Variants in AOPEP observed in about 807,000 individuals in gnomAD.
AOPEP encodes aminopeptidase O (putative).
AOPEP carries 77 observed loss-of-function variants against 98.1 expected under a neutral mutation model. The ratio of observed to expected loss-of-function variants is 0.78; its 90% CI spans 0.65 to 0.95. AOPEP has a LOEUF of 0.95. Among genes scored for constraint, AOPEP ranks in the 40% least tolerant of loss-of-function variants. AOPEP has a pLI of 0.00. For missense variants in AOPEP, 1,024 were observed against 1,024.7 expected (o/e 1.00, Z 0.01); for synonymous variants, 346 against 365.3 (o/e 0.95, Z 0.60).
At chr9:94,816,156 A>G (rs7855781) in intron 5 of AOPEP, among the ~76,000 whole-genome samples, 144,262 of 152,256 alleles carry the variant, frequency 0.95, 68,368 homozygotes, top group Middle Eastern at 0.99. Context: ...CACTAACCAA[A>G]TTGCCATACA....
At chr9:95,096,627 C>T in the AOPEP span, among the ~76,000 whole-genome samples, 2 of 152,066 alleles carry the variant, frequency 1.3e-5, no homozygotes, top group African/African-American at 2.4e-5. Context: ...AGGTGGAGTC[C>T]AAGGGCGCCC....
chr9:95,060,828 C>CG lies in AOPEP; in HGVS notation c.2232+20dup. The CG allele has an allele frequency of 2.7e-6, 4 of 1,499,994 alleles. No homozygotes were observed. The highest frequency in any genetic ancestry group is 3.7e-6 in the Non-Finnish European group (4 of 1,075,984). 92.9% of individuals were successfully genotyped at this position (1,499,994 alleles called of 1,614,324 possible). ...ATGCAGAGGTAACCAGGAACACTCT[C>CG]GGAGTTTAACCAGCAGGTCCCCACT... On this transcript the variant is annotated intron_variant, in intron 14 of 16. Transcript: ENST00000375315.
chr9:94,944,604 C>A lies in AOPEP; in HGVS notation c.1662-10573C>A, dbSNP rs190441465. On this transcript the variant is annotated intron_variant, in intron 7 of 16. Transcript: ENST00000375315. ...TTTTGAGACAGGGTCTTACTCTGTC[C>A]CCGAGGCTGGAGTGCCATGGCACGA... 3.3e-5 allele frequency among the ~76,000 whole-genome samples: 5 copies of A among 152,020 alleles called. No homozygotes were observed. In the East Asian group the frequency reaches 7.8e-4, roughly 24 times the overall value.
intron 13 of AOPEP, among the ~76,000 whole-genome samples, chr9:95,051,231 A>G (rs1297471599): frequency 6.6e-6 from 1 of 151,608 alleles, no homozygotes; most frequent in African/African-American, 2.4e-5. Context: ...CTGGGACTAC[A>G]GGTGCGCGCC....
chr9:94,785,925 A>T (rs1238596852), intron 3 of AOPEP, among the ~76,000 whole-genome samples: 2 of 152,236 alleles, frequency 1.3e-5, no homozygotes, highest in Non-Finnish European at 2.9e-5. Context: ...TTAGGCTGTC[A>T]TTCTCCTTTA....
At chr9:94,846,791 T>C (rs2042914619) in intron 5 of AOPEP, among the ~76,000 whole-genome samples, 1 of 152,160 alleles carries the variant, frequency 6.6e-6, no homozygotes, top group African/African-American at 2.4e-5. Context: ...GTACATGTGT[T>C]CTCAGCTACT....
At chr9:95,042,331 A>C (rs1050986813) in intron 13 of AOPEP, among the ~76,000 whole-genome samples, 2 of 151,430 alleles carry the variant, frequency 1.3e-5, no homozygotes, top group African/African-American at 4.8e-5. Flanking sequence ...TAAATAAATA[A>C]ATAAATAAAT....
At chr9:95,107,817 A>C in the AOPEP span, among the ~76,000 whole-genome samples, 1 of 152,212 alleles carries the variant, frequency 6.6e-6, no homozygotes, top group Non-Finnish European at 1.5e-5. Context: ...CATTTGTTTT[A>C]GATGCCGGAA....
chr9:95,038,943 G>A (rs2065059169), intron 13 of AOPEP, among the ~76,000 whole-genome samples: 2 of 152,080 alleles, frequency 1.3e-5, no homozygotes, highest in South Asian at 2.1e-4. Context: ...CAGATGAGGC[G>A]GGCTTAACAT....
the AOPEP span, among the ~76,000 whole-genome samples, chr9:95,118,693 G>C: frequency 6.6e-6 from 1 of 152,104 alleles, no homozygotes; most frequent in Non-Finnish European, 1.5e-5. Flanking sequence ...CTGGCTTCTT[G>C]GGCTCAACAT....
At chr9:95,003,409 A>G (rs2061695110) in intron 11 of AOPEP, among the ~76,000 whole-genome samples, 1 of 152,210 alleles carries the variant, frequency 6.6e-6, no homozygotes, top group Non-Finnish European at 1.5e-5. Flanking sequence ...TCAATATTGA[A>G]TGGCTCATAT....
At chr9:94,791,505 A>G (rs572190702) in intron 3 of AOPEP, among the ~76,000 whole-genome samples, 57 of 109,552 alleles carry the variant, frequency 5.2e-4, no homozygotes, top group South Asian at 8.9e-4. Context: ...CTGTCTCTCA[A>G]AAAAAAAAAA....
chr9:95,080,879 T>A, intron 15 of AOPEP, 99 bp downstream of exon 15: 2 of 856,800 alleles, frequency 2.3e-6, no homozygotes, highest in South Asian at 1.4e-5. Flanking sequence ...AACAAATAAT[T>A]AAATCTGTTA....
At chr9:94,932,987 A>G (rs1564404161) in intron 7 of AOPEP, 19 of 985,242 alleles carry the variant, frequency 1.9e-5, no homozygotes, top group Admixed American at 6.2e-5. Flanking sequence ...GTCACATGCC[A>G]TTTTTCATTT....
intron 4 of AOPEP, among the ~76,000 whole-genome samples, chr9:94,799,040 G>A (rs748935200): frequency 3.3e-5 from 5 of 152,134 alleles, no homozygotes; most frequent in Admixed American, 6.6e-5. Context: ...TCTCCGTTGT[G>A]GTGAAATGCC....
chr9:94,797,157 G>C (rs1431629184), intron 4 of AOPEP, among the ~76,000 whole-genome samples: 1 of 152,236 alleles, frequency 6.6e-6, no homozygotes, highest in Admixed American at 6.5e-5. Flanking sequence ...GAATTGGCCA[G>C]GCGCGGTGGC....
intron 5 of AOPEP, among the ~76,000 whole-genome samples, chr9:94,898,935 TG>T (rs1416074313): frequency 6.6e-6 from 1 of 152,036 alleles, no homozygotes; most frequent in Non-Finnish European, 1.5e-5. Flanking sequence ...AGAGCGAGCC[TG>T]GGCACTGTCT....
At chr9:95,110,244 T>C in the AOPEP span, 2 of 1,006,146 alleles carry the variant, frequency 2.0e-6, no homozygotes, top group East Asian at 7.1e-5. Flanking sequence ...TATTGAATAA[T>C]TTATTTCTTT....
the AOPEP span, chr9:95,101,153 C>T: frequency 4.1e-6 from 1 of 246,208 alleles, no homozygotes; most frequent in African/African-American, 2.2e-5. Context: ...GCTGTCTGCT[C>T]CTGTGGCCTG....
Sources: gnomAD v4.1 joint callset for allele counts (sites outside exome capture counted in the v4.1 genomes callset) on GRCh38, gnomAD v4.1.1 for gene constraint, MANE v1.5 for transcripts, NCBI Gene and HGNC (gene_info 2026-07-23, HGNC 2026-07-21) for gene names.